The following SEMA6D variants were observed in gnomAD, a reference collection of about 807,000 sequenced individuals.
SEMA6D encodes semaphorin-6D.
SEMA6D carries 35 observed loss-of-function variants against 106.6 expected under a neutral mutation model. That is an observed-to-expected ratio of 0.33 (90% confidence interval 0.25 to 0.44). The LOEUF is 0.44. Among genes scored for constraint, SEMA6D ranks in the 20% least tolerant of loss-of-function variants. The pLI is 1.00. For synonymous variants in SEMA6D, 499 were observed against 487.7 expected, an observed-to-expected ratio of 1.02 and a Z score of -0.31; for missense variants, 1,185 against 1,345.9, an observed-to-expected ratio of 0.88 and a Z score of 1.87.
At chr15:47,231,817 T>C (rs541804506) in intron 1 of SEMA6D, among the ~76,000 whole-genome samples, 1 of 152,142 alleles carries the variant, frequency 6.6e-6, no homozygotes, top group African/African-American at 2.4e-5. Flanking sequence ...ATAAACTCCC[T>C]TTGAAAATTG....
chr15:47,379,297 T>C (rs1466555766), intron 1 of SEMA6D, among the ~76,000 whole-genome samples: 1 of 152,222 alleles, frequency 6.6e-6, no homozygotes, highest in East Asian at 1.9e-4. Context: ...CTGTGTATAT[T>C]AAGTCATTTA....
intron 6 of SEMA6D, 52 bp downstream of exon 6, chr15:47,761,483 C>T: frequency 7.0e-7 from 1 of 1,428,834 alleles, no homozygotes; most frequent in South Asian, 1.3e-5. Context: ...TCTCCCTTCA[C>T]TGATATGCTG....
intron 4 of SEMA6D, among the ~76,000 whole-genome samples, chr15:47,616,580 GA>G (rs55761524): frequency 1.9e-4 from 27 of 142,460 alleles, no homozygotes; most frequent in African/African-American, 3.6e-4. Context: ...CTCCAAAGAG[GA>G]AAAAAAAAAA....
At chr15:47,283,527 A>G (rs2035225266) in intron 1 of SEMA6D, among the ~76,000 whole-genome samples, 1 of 152,012 alleles carries the variant, frequency 6.6e-6, no homozygotes, top group Admixed American at 6.6e-5. Flanking sequence ...TTTCCTACAA[A>G]TCTCTTACGT....
intron 4 of SEMA6D, among the ~76,000 whole-genome samples, chr15:47,695,110 C>T (rs1467476264): frequency 2.0e-5 from 3 of 152,178 alleles, no homozygotes; most frequent in Non-Finnish European, 4.4e-5. Context: ...CTAGGTGGTC[C>T]ATGCTTGTTG....
intron 4 of SEMA6D, among the ~76,000 whole-genome samples, chr15:47,614,506 C>A (rs1279245824): frequency 6.6e-6 from 1 of 152,220 alleles, no homozygotes; most frequent in African/African-American, 2.4e-5. Flanking sequence ...AGCTGAGCTT[C>A]CTGTCTAAAG....
chr15:47,549,200 A>G (rs1370661148), intron 3 of SEMA6D, among the ~76,000 whole-genome samples: 1 of 152,158 alleles, frequency 6.6e-6, no homozygotes, highest in Non-Finnish European at 1.5e-5. Context: ...CCTGCAGTCA[A>G]CTCTGGGAAT....
chr15:47,385,354 T>C (rs1033025340), intron 1 of SEMA6D, among the ~76,000 whole-genome samples: 4 of 152,200 alleles, frequency 2.6e-5, no homozygotes, highest in Non-Finnish European at 5.9e-5. Context: ...CATTATGCTC[T>C]TTCATTGTAC....
intron 2 of SEMA6D, among the ~76,000 whole-genome samples, chr15:47,422,880 G>T (rs1247694169): frequency 7.2e-5 from 11 of 151,930 alleles, no homozygotes; most frequent in African/African-American, 2.4e-4. Flanking sequence ...ATTTTTATTA[G>T]CCTGAACTTT....
intron 1 of SEMA6D, among the ~76,000 whole-genome samples, chr15:47,208,959 A>G (rs1417546552): frequency 6.6e-6 from 1 of 152,182 alleles, no homozygotes; most frequent in Non-Finnish European, 1.5e-5. Context: ...ATTTTCACTA[A>G]TAAGAAGGAG....
intron 1 of SEMA6D, among the ~76,000 whole-genome samples, chr15:47,315,525 C>T (rs537838354): frequency 9.2e-5 from 14 of 152,276 alleles, no homozygotes; most frequent in South Asian, 2.1e-4. Flanking sequence ...AGAAGTTGGT[C>T]GGTGTAAGTC....
Position 47,626,576 on chromosome 15 carries a change from C to A in SEMA6D, c.-55+25680C>A, listed in dbSNP as rs555990282. The stretch of plus-strand genomic sequence containing the variant: ...AGAGTTTTCAATGTCTTTATTTGAC[C>A]AAGAAAACAAGAAAAGTATATTAAA... On this transcript the variant is annotated intron_variant, in intron 4 of 19. Coordinates refer to the SEMA6D transcript ENST00000558014. Among the ~76,000 whole-genome samples, 4 of 152,142 alleles carry A rather than the reference C, an allele frequency of 2.6e-5. No homozygotes were observed. In the South Asian group the frequency reaches 8.3e-4, roughly 32 times the overall value.
In SEMA6D at chr15:47,649,779, T is replaced by C. The variant is rs566872372; in HGVS notation, c.-55+48883T>C. 2.1e-3 allele frequency among the ~76,000 whole-genome samples: 326 copies of C among 152,338 alleles called. 1 individual carries two copies. Among genetic ancestry groups the C allele is most frequent in the Middle Eastern group, 6.8e-3 (2 of 294 alleles). On this transcript the variant is annotated intron_variant, in intron 4 of 19. Coordinates refer to the SEMA6D transcript ENST00000558014. ...GTTCAATTTCATAATAGAAGCCAAA[T>C]GCCTACAACTTTTCAAAGATATTGC...
intron 1 of SEMA6D, among the ~76,000 whole-genome samples, chr15:47,289,867 T>G: frequency 6.8e-6 from 1 of 146,562 alleles, no homozygotes. Context: ...GTCCTGGGAG[T>G]GTTGCTGGCG....
At chr15:47,210,764 C>CAAAAA (rs34743184) in intron 1 of SEMA6D, among the ~76,000 whole-genome samples, 2 of 62,744 alleles carry the variant, frequency 3.2e-5, no homozygotes, top group Non-Finnish European at 5.9e-5. Context: ...GACTCCGTCT[C>CAAAAA]AAAAAAAAAA....
intron 2 of SEMA6D, among the ~76,000 whole-genome samples, chr15:47,433,633 A>T (rs1483620341): frequency 1.3e-5 from 2 of 152,140 alleles, no homozygotes; most frequent in Non-Finnish European, 2.9e-5. Flanking sequence ...TGTTTTATAG[A>T]TCACACATTC....
intron 1 of SEMA6D, among the ~76,000 whole-genome samples, chr15:47,213,376 C>T (rs1176576662): frequency 1.3e-5 from 2 of 152,186 alleles, no homozygotes; most frequent in Non-Finnish European, 2.9e-5. Context: ...GAAATAACCA[C>T]AGATGACCAG....
intron 3 of SEMA6D, among the ~76,000 whole-genome samples, chr15:47,574,104 A>G (rs1479073857): frequency 6.6e-6 from 1 of 152,118 alleles, no homozygotes; most frequent in East Asian, 1.9e-4. Context: ...CTGGGTTTCA[A>G]CTCTGGTTTT....
intron 2 of SEMA6D, among the ~76,000 whole-genome samples, chr15:47,425,606 C>A (rs2041306203): frequency 6.6e-6 from 1 of 151,698 alleles, no homozygotes; most frequent in South Asian, 2.1e-4. Flanking sequence ...TTTTATATGC[C>A]ACACCTTCTT....
Sources: allele counts gnomAD v4.1 joint callset (sites outside exome capture counted in the v4.1 genomes callset), GRCh38; gene constraint gnomAD v4.1.1; transcripts MANE v1.5; gene names NCBI Gene and HGNC (gene_info 2026-07-23, HGNC 2026-07-21).